The following GRIK2 variants were observed in gnomAD, a reference collection of about 807,000 sequenced individuals.
GRIK2 encodes glutamate ionotropic receptor kainate type subunit 2.
In GRIK2, 32 loss-of-function variants were observed where a neutral mutation model predicts 100.3. The ratio of observed to expected loss-of-function variants is 0.32; its 90% CI spans 0.24 to 0.43. GRIK2 has a LOEUF of 0.43. Ranked by LOEUF, GRIK2 falls within the 20% of genes least tolerant of loss-of-function variation. GRIK2 has a pLI of 1.00. For synonymous variants in GRIK2, 417 were observed against 389.4 expected, an observed-to-expected ratio of 1.07 and a Z score of -0.83; for missense variants, 843 against 1,114.9, an observed-to-expected ratio of 0.76 and a Z score of 3.47.
intron 2 of GRIK2, among the ~76,000 whole-genome samples, chr6:101,410,583 G>T (rs1268649972): frequency 3.3e-5 from 5 of 151,982 alleles, no homozygotes; most frequent in Non-Finnish European, 7.4e-5. Context: ...GACAAGAGAG[G>T]ACAACCTACA....
intron 2 of GRIK2, among the ~76,000 whole-genome samples, chr6:101,477,368 A>G (rs1405679870): frequency 6.6e-6 from 1 of 152,112 alleles, no homozygotes; most frequent in East Asian, 1.9e-4. Context: ...TCAATGTTTT[A>G]TTTTTCAGAA....
At chr6:101,991,820 T>C (rs551882126) in intron 14 of GRIK2, among the ~76,000 whole-genome samples, 1 of 151,694 alleles carries the variant, frequency 6.6e-6, no homozygotes, top group East Asian at 1.9e-4. Context: ...AAGTTCTATG[T>C]TTTCCTCTTG....
chr6:101,794,298 G>C (rs1367976701), intron 7 of GRIK2, among the ~76,000 whole-genome samples: 1 of 151,996 alleles, frequency 6.6e-6, no homozygotes, highest in Non-Finnish European at 1.5e-5. Flanking sequence ...CCCCTCTTCT[G>C]CGTCGCTCAC....
At chr6:101,891,143 TC>T (rs1477781856) in intron 12 of GRIK2, among the ~76,000 whole-genome samples, 4 of 151,624 alleles carry the variant, frequency 2.6e-5, no homozygotes, top group Admixed American at 2.0e-4. Flanking sequence ...CTTTTTTTTT[TC>T]CAATGAAGTA....
In GRIK2 at chr6:102,021,313, C is replaced by T. The variant is rs1313180403; in HGVS notation, c.2086-14028C>T. 5.3e-5 allele frequency among the ~76,000 whole-genome samples: 8 copies of T among 151,442 alleles called. No individual in the cohort carries two copies. In the Admixed American group the frequency reaches 5.3e-4, roughly 10 times the overall value. On this transcript the variant is annotated intron_variant, in intron 14 of 16. Coordinates refer to ENST00000369134, the MANE Select transcript of GRIK2 (RefSeq NM_021956.5). ...TAAGGAAATGAAATAAATGTGAGTACTGAATTTTTATTTCATAGAAAACTG... is the reference window on the plus strand; with the variant it reads ...TAAGGAAATGAAATAAATGTGAGTATTGAATTTTTATTTCATAGAAAACTG...
chr6:101,575,464 A>G (rs1777748797), intron 2 of GRIK2, among the ~76,000 whole-genome samples: 1 of 151,996 alleles, frequency 6.6e-6, no homozygotes, highest in Non-Finnish European at 1.5e-5. Flanking sequence ...TCCATTCAGC[A>G]GTTTTTGAGA....
Position 101,451,695 on chromosome 6 carries a change from AGG to A in GRIK2, c.115+52314_115+52315del, listed in dbSNP as rs66705609. Among the ~76,000 whole-genome samples, 288 of 125,440 alleles carry A rather than the reference AGG, an allele frequency of 2.3e-3. 5 individuals carry two copies. Among genetic ancestry groups the A allele is most frequent in the African/African-American group, 7.6e-3 (260 of 34,322 alleles). 82.3% of individuals were successfully genotyped at this position (125,440 alleles called of 152,430 possible). On this transcript the variant is annotated intron_variant, in intron 2 of 16. Coordinates refer to ENST00000369134, the MANE Select transcript of GRIK2 (RefSeq NM_021956.5). ...TCTGAGAGCCCATTATTTATCTCTG[AGG>A]GGGGGGGGGGTGCCAAATACCTCCC... is the stretch of plus-strand genomic sequence containing the variant.
At chr6:101,565,920 T>C (rs1717142797) in intron 2 of GRIK2, among the ~76,000 whole-genome samples, 5 of 105,866 alleles carry the variant, frequency 4.7e-5, no homozygotes, top group Non-Finnish European at 9.6e-5. Context: ...CTATTTTATA[T>C]ATATATATAT....
intron 2 of GRIK2, among the ~76,000 whole-genome samples, chr6:101,469,559 G>T (rs1771838924): frequency 6.6e-6 from 1 of 152,110 alleles, no homozygotes; most frequent in African/African-American, 2.4e-5. Flanking sequence ...CATTTGTAAA[G>T]GCAGTTTAAT....
At chr6:101,746,918 T>C (rs1217653086) in intron 7 of GRIK2, among the ~76,000 whole-genome samples, 1 of 152,198 alleles carries the variant, frequency 6.6e-6, no homozygotes, top group East Asian at 1.9e-4. Context: ...TATGAATGCT[T>C]TGGGAAATTC....
At chr6:101,958,058 A>G in intron 14 of GRIK2, among the ~76,000 whole-genome samples, 1 of 151,942 alleles carries the variant, frequency 6.6e-6, no homozygotes, top group East Asian at 1.9e-4. Flanking sequence ...TAATTCTGTG[A>G]AAAATTATAT....
chr6:101,466,593 C>G (rs552011152), intron 2 of GRIK2, among the ~76,000 whole-genome samples: 4 of 132,376 alleles, frequency 3.0e-5, no homozygotes, highest in South Asian at 5.0e-4. Context: ...CTGCTTTTTT[C>G]TAAAAAAAAA....
rs147060771 is a variant in GRIK2, at chr6:101,916,251, G to T, written c.1749-8350G>T. Reference sequence around the variant, plus strand: ...CATTTATTCCATAATATTTTTAATAGAAATTAGTTAATACACTTATTAACT... The same window carrying T: ...CATTTATTCCATAATATTTTTAATATAAATTAGTTAATACACTTATTAACT... On this transcript the variant is annotated intron_variant, in intron 12 of 16. Coordinates refer to ENST00000369134, the MANE Select transcript of GRIK2 (RefSeq NM_021956.5). Among the ~76,000 whole-genome samples the T allele has an allele frequency of 8.7e-3, 1,317 of 151,416 alleles. 17 individuals are homozygous for T. Among genetic ancestry groups the T allele is most frequent in the African/African-American group, 0.028 (1,178 of 41,420 alleles).
chr6:101,947,097 T>A (rs770780570), intron 14 of GRIK2, among the ~76,000 whole-genome samples: 69 of 152,302 alleles, frequency 4.5e-4, no homozygotes, highest in South Asian at 8.3e-4. Flanking sequence ...AGGTGTGCTC[T>A]GAGAAAAGAG....
At chr6:101,584,117 T>C (rs553404407) in intron 2 of GRIK2, among the ~76,000 whole-genome samples, 107 of 152,196 alleles carry the variant, frequency 7.0e-4, no homozygotes, top group African/African-American at 2.5e-3. Context: ...AGAAAAAATA[T>C]GATTATAACA....
At chr6:101,991,057 T>C (rs938185141) in intron 14 of GRIK2, among the ~76,000 whole-genome samples, 3 of 151,860 alleles carry the variant, frequency 2.0e-5, no homozygotes, top group African/African-American at 7.2e-5. Flanking sequence ...TTCCATAAGC[T>C]GCTCTTACTG....
At chr6:101,862,647 AC>A (rs1405881171) in intron 11 of GRIK2, among the ~76,000 whole-genome samples, 2 of 151,900 alleles carry the variant, frequency 1.3e-5, no homozygotes, top group African/African-American at 4.8e-5. Flanking sequence ...CTAGTCTCAA[AC>A]TTTTGGACTC....
intron 7 of GRIK2, among the ~76,000 whole-genome samples, chr6:101,719,798 T>C (rs574647534): frequency 6.6e-5 from 10 of 152,058 alleles, no homozygotes; most frequent in African/African-American, 2.2e-4. Context: ...TGAAAACAGA[T>C]GATTTCCCAT....
intron 2 of GRIK2, among the ~76,000 whole-genome samples, chr6:101,485,401 C>T (rs191841442): frequency 1.4e-3 from 210 of 152,214 alleles, no homozygotes; most frequent in Non-Finnish European, 2.5e-3. Context: ...AACTTTAATA[C>T]TTTTTCTTTA....
Sources: gnomAD v4.1 joint callset for allele counts (sites outside exome capture counted in the v4.1 genomes callset) on GRCh38, gnomAD v4.1.1 for gene constraint, MANE v1.5 for transcripts, NCBI Gene and HGNC (gene_info 2026-07-23, HGNC 2026-07-21) for gene names.